The following LRBA variants were observed in gnomAD, a reference collection of about 807,000 sequenced individuals.
The protein encoded by LRBA is LPS responsive beige-like anchor protein, also known as lipopolysaccharide-responsive and beige-like anchor protein.
LRBA carries 176 observed loss-of-function variants against 330.0 expected under a neutral mutation model. That is an observed-to-expected ratio of 0.53 (90% CI 0.47 to 0.60). The LOEUF (loss-of-function observed/expected upper bound fraction) is 0.60, where lower values mean the gene tolerates loss of function less well. LRBA is among the 20% of genes least tolerant of loss of function. The pLI is 0.00. For synonymous variants in LRBA, 1,230 were observed against 1,193.0 expected (o/e 1.03, Z -0.64); for missense variants, 3,259 against 3,444.8 (o/e 0.95, Z 1.35).
At chr4:150,267,653 A>G (rs1283039765) in intron 56 of LRBA, among the ~76,000 whole-genome samples, 1 of 152,210 alleles carries the variant, frequency 6.6e-6, no homozygotes, top group African/African-American at 2.4e-5. Context: ...GAAGAAAATA[A>G]TAAAGAACAG....
intron 40 of LRBA, among the ~76,000 whole-genome samples, chr4:150,571,872 T>C: frequency 6.7e-6 from 1 of 149,170 alleles, no homozygotes; most frequent in East Asian, 1.9e-4. Flanking sequence ...TGTTTAAAGT[T>C]TTTTTTTTTA....
At chr4:150,282,051 A>C (rs1747601853) in intron 55 of LRBA, among the ~76,000 whole-genome samples, 1 of 152,248 alleles carries the variant, frequency 6.6e-6, no homozygotes, top group Non-Finnish European at 1.5e-5. Context: ...CCACCAAGCT[A>C]TTCAGATGTA....
At chr4:150,364,322 G>A (rs1202046304) in intron 47 of LRBA, among the ~76,000 whole-genome samples, 1 of 152,156 alleles carries the variant, frequency 6.6e-6, no homozygotes, top group Non-Finnish European at 1.5e-5. Flanking sequence ...GTTTTACATG[G>A]ACTATTTTAT....
intron 37 of LRBA, among the ~76,000 whole-genome samples, chr4:150,683,128 T>C (rs1395479008): frequency 3.9e-5 from 6 of 152,098 alleles, no homozygotes; most frequent in African/African-American, 2.4e-5. Flanking sequence ...TTTGAAAATA[T>C]GGTTACTTTC....
intron 37 of LRBA, among the ~76,000 whole-genome samples, chr4:150,604,767 C>G (rs898447119): frequency 2.4e-4 from 36 of 152,232 alleles, no homozygotes; most frequent in African/African-American, 7.5e-4. Flanking sequence ...TGCCACAGCC[C>G]AAGTGCTAGG....
At chr4:150,526,813 T>C (rs147304553) in intron 40 of LRBA, among the ~76,000 whole-genome samples, 8 of 152,226 alleles carry the variant, frequency 5.3e-5, no homozygotes, top group African/African-American at 1.9e-4. Context: ...AACATAAACA[T>C]GATGCCATTA....
At chr4:150,968,254 C>T (rs1281273064) in intron 2 of LRBA, among the ~76,000 whole-genome samples, 5 of 152,104 alleles carry the variant, frequency 3.3e-5, no homozygotes, top group African/African-American at 1.2e-4. Flanking sequence ...TCACCCACCT[C>T]GGCCTTCCAA....
At chr4:150,551,196 C>G (rs920234194) in intron 40 of LRBA, among the ~76,000 whole-genome samples, 2 of 152,146 alleles carry the variant, frequency 1.3e-5, no homozygotes, top group Admixed American at 1.3e-4. Context: ...GGTACTGGCA[C>G]CATGCTCTTA....
At chr4:150,514,997 A>G (rs1762192490) in intron 40 of LRBA, among the ~76,000 whole-genome samples, 2 of 152,210 alleles carry the variant, frequency 1.3e-5, no homozygotes, top group South Asian at 4.1e-4. Context: ...GTTGAAAAAA[A>G]TTATTCTAGG....
At chr4:150,587,289 G>A (rs917999868) in intron 40 of LRBA, among the ~76,000 whole-genome samples, 2 of 152,062 alleles carry the variant, frequency 1.3e-5, no homozygotes, top group Non-Finnish European at 2.9e-5. Context: ...CATAACATAT[G>A]CTATCAGCCT....
At chr4:150,489,713 A>G (rs1203694308) in intron 41 of LRBA, among the ~76,000 whole-genome samples, 1 of 132,044 alleles carries the variant, frequency 7.6e-6, no homozygotes, top group Non-Finnish European at 1.6e-5. Context: ...TATATTATAT[A>G]TAAGAATATA....
intron 4 of LRBA, 49 bp downstream of exon 4, chr4:150,928,467 T>C (rs763702812): frequency 2.7e-6 from 3 of 1,117,382 alleles, no homozygotes; most frequent in African/African-American, 3.1e-5. Flanking sequence ...ACGAATGTGT[T>C]TGGGAGGAGC....
chr4:150,647,974 T>C (rs1261861589), intron 37 of LRBA, among the ~76,000 whole-genome samples: 1 of 151,270 alleles, frequency 6.6e-6, no homozygotes, highest in Non-Finnish European at 1.5e-5. Context: ...TATATTCAAT[T>C]ATCCAGTGAG....
intron 35 of LRBA, among the ~76,000 whole-genome samples, chr4:150,749,294 G>T (rs557732053): frequency 6.6e-6 from 1 of 152,252 alleles, no homozygotes; most frequent in African/African-American, 2.4e-5. Context: ...TCTGGGCCAG[G>T]TAAACTGGCT....
intron 38 of LRBA, among the ~76,000 whole-genome samples, chr4:150,597,888 T>C (rs1773683489): frequency 2.0e-5 from 3 of 152,160 alleles, no homozygotes; most frequent in Non-Finnish European, 2.9e-5. Context: ...TAGATCACTT[T>C]GTTATTGACT....
At chr4:150,471,007 A>G in intron 43 of LRBA, among the ~76,000 whole-genome samples, 1 of 152,124 alleles carries the variant, frequency 6.6e-6, no homozygotes, top group East Asian at 1.9e-4. Context: ...AAAACTTTCA[A>G]AAGTTTCCCA....
At chr4:150,349,956 T>C (rs771263503) in intron 48 of LRBA, 36 bp downstream of exon 48, 7 of 1,595,522 alleles carry the variant, frequency 4.4e-6, no homozygotes, top group African/African-American at 1.3e-5. Flanking sequence ...TAAATATACC[T>C]GACTATAAGT....
intron 2 of LRBA, among the ~76,000 whole-genome samples, chr4:150,953,699 T>A (rs1737131791): frequency 6.6e-6 from 1 of 151,856 alleles, no homozygotes; most frequent in Non-Finnish European, 1.5e-5. Flanking sequence ...AGTGGTGTGA[T>A]CTCGGCTCAC....
intron 47 of LRBA, among the ~76,000 whole-genome samples, chr4:150,364,995 AGT>A (rs1029829273): frequency 4.0e-5 from 6 of 151,308 alleles, no homozygotes; most frequent in Admixed American, 6.6e-5. Context: ...ACAGAGAGAA[AGT>A]GTGTGTGTGT....
Sources: gnomAD v4.1 joint callset for allele counts (sites outside exome capture counted in the v4.1 genomes callset) on GRCh38, gnomAD v4.1.1 for gene constraint, MANE v1.5 for transcripts, NCBI Gene and HGNC (gene_info 2026-07-23, HGNC 2026-07-21) for gene names.